CD2AP: variants seen among roughly 807,000 people sequenced by gnomAD.
CD2AP encodes the protein CD2 associated protein.
A neutral mutation model predicts 85.1 loss-of-function variants in CD2AP; 46 were observed. The ratio of observed to expected loss-of-function variants is 0.54; its 90% confidence interval spans 0.43 to 0.69. The LOEUF is 0.69. CD2AP is among the 30% of genes least tolerant of loss of function. The pLI is 0.00. For synonymous variants in CD2AP, 255 were observed against 252.9 expected, an observed-to-expected ratio of 1.01 and a Z score of -0.08; for missense variants, 769 against 729.5, an observed-to-expected ratio of 1.05 and a Z score of -0.62.
chr6:47,619,718 C>T (rs905036628), intron 17 of CD2AP, among the ~76,000 whole-genome samples: 1 of 152,170 alleles, frequency 6.6e-6, no homozygotes, highest in African/African-American at 2.4e-5. Context: ...TCACCTCATC[C>T]ATGCCAACAT....
intron 4 of CD2AP, among the ~76,000 whole-genome samples, chr6:47,553,681 A>G (rs1767593746): frequency 6.6e-6 from 1 of 152,036 alleles, no homozygotes. Flanking sequence ...AATTGTTTTT[A>G]ACCTGTGAGC....
rs144886557 is a variant in CD2AP at position 47,589,379 on chromosome 6, T to TATATACACACACACACACACACACACAC, written c.1109-6481_1109-6480insTATACACACACACACACACACACACACA. Among the ~76,000 whole-genome samples the TATATACACACACACACACACACACACAC allele has an allele frequency of 2.2e-4, 31 of 139,434 alleles. 1 individual carries two copies. The highest frequency in any genetic ancestry group is 1.5e-3 in the East Asian group (7 of 4,790). The allele number at this position is 139,434 out of a possible 152,430, so 91.5% of individuals were successfully genotyped here. On this transcript the variant is annotated intron_variant, in intron 11 of 17. Coordinates refer to ENST00000359314, the MANE Select transcript of CD2AP (RefSeq NM_012120.3). The stretch of plus-strand genomic sequence containing the variant: ...TTTGATGACCAGGAACTCTTGAATA[T>TATATACACACACACACACACACACACAC]ACACACACACACACAAATGTATATA...
intron 12 of CD2AP, among the ~76,000 whole-genome samples, chr6:47,596,553 A>G (rs1423453936): frequency 2.0e-5 from 3 of 152,038 alleles, no homozygotes; most frequent in Admixed American, 2.0e-4. Flanking sequence ...TTGACTTAAC[A>G]TCCTCCAGAT....
intron 1 of CD2AP, among the ~76,000 whole-genome samples, chr6:47,500,437 CATTTGTTAAA>C (rs1288295634): frequency 6.6e-6 from 1 of 152,132 alleles, no homozygotes; most frequent in Admixed American, 6.6e-5. Flanking sequence ...CCCTTTCAGA[CATTTGTTAAA>C]ATTTCTTGCC....
intron 2 of CD2AP, among the ~76,000 whole-genome samples, chr6:47,508,497 T>C (rs1417008776): frequency 6.6e-6 from 1 of 151,976 alleles, no homozygotes; most frequent in South Asian, 2.1e-4. Flanking sequence ...AAGTTGTGGC[T>C]GGTTTGATCT....
chr6:47,558,352 A>G (rs1014589241), intron 5 of CD2AP, among the ~76,000 whole-genome samples: 2 of 152,178 alleles, frequency 1.3e-5, no homozygotes, highest in Non-Finnish European at 2.9e-5. Context: ...AGAACTTCCA[A>G]TACCATGTTG....
At chr6:47,531,195 A>G (rs1041331222) in intron 2 of CD2AP, among the ~76,000 whole-genome samples, 4 of 152,106 alleles carry the variant, frequency 2.6e-5, no homozygotes, top group African/African-American at 9.7e-5. Flanking sequence ...AGATTCCGAA[A>G]CTTTCTTGGT....
intron 4 of CD2AP, among the ~76,000 whole-genome samples, chr6:47,551,194 GA>G (rs1008612649): frequency 5.3e-5 from 8 of 150,024 alleles, no homozygotes; most frequent in Non-Finnish European, 8.9e-5. Context: ...ATAAAAAAAA[GA>G]AAAAAAAATT....
chr6:47,579,929 C>T (rs1582584968), intron 9 of CD2AP: 1 of 165,938 alleles, frequency 6.0e-6, no homozygotes, highest in East Asian at 1.7e-4. Context: ...TGTGTCACTT[C>T]TCAGAGAAAA....
At position 47,595,874 on chromosome 6, in the gene CD2AP, A is replaced by C. The variant is rs974723230; in HGVS notation, c.1122A>C (p.Thr374=). ...LKPEEKDEKS[T]LEQKPSKPAA... is the part of the protein sequence containing the mutation. ...TTTAAATCTTAGATGAAAAATCAACACTGGAACAGAAACCTTCTAAACCAG... is the reference window on the plus strand; with the variant it reads ...TTTAAATCTTAGATGAAAAATCAACCCTGGAACAGAAACCTTCTAAACCAG... Residue 374 remains threonine, a synonymous_variant, in exon 12 of 18, where the codon ACA becomes ACC. Coordinates refer to ENST00000359314, the MANE Select transcript of CD2AP (RefSeq NM_012120.3). 1.2e-6 allele frequency: 2 copies of C among 1,612,196 alleles called. No homozygotes were observed. The highest frequency in any genetic ancestry group is 1.7e-6 in the Non-Finnish European group (2 of 1,178,720).
chr6:47,506,794 G>GGAGGGAGAGGGAGAGGGA (rs765919738), intron 2 of CD2AP, among the ~76,000 whole-genome samples: 7 of 80,166 alleles, frequency 8.7e-5, no homozygotes, highest in African/African-American at 2.4e-4. Flanking sequence ...AGAGGGAGAC[G>GGAGGGAGAGGGAGAGGGA]GAGGGAGAGG....
In CD2AP at chr6:47,490,919, A is replaced by G. The variant is rs140252241; in HGVS notation, c.5-12361A>G. The stretch of plus-strand genomic sequence containing the variant: ...GATTTACTTATCTCTGTTGAAAAAC[A>G]TGTAAGAAATGCTGCTTATCATTCC... On this transcript the variant is annotated intron_variant, in intron 1 of 17. Coordinates refer to ENST00000359314, the MANE Select transcript of CD2AP (RefSeq NM_012120.3). Among the ~76,000 whole-genome samples the G allele has an allele frequency of 1.6e-4, 25 of 152,314 alleles. No homozygotes were observed. In the East Asian group the frequency reaches 4.6e-3, roughly 28 times the overall value.
chr6:47,560,948 T>A (rs2114074053), intron 5 of CD2AP, among the ~76,000 whole-genome samples: 1 of 152,300 alleles, frequency 6.6e-6, no homozygotes, highest in African/African-American at 2.4e-5. Context: ...TACTTAATAT[T>A]TTACTCTAAA....
At chr6:47,507,030 A>G (rs1011597223) in intron 2 of CD2AP, among the ~76,000 whole-genome samples, 1 of 152,172 alleles carries the variant, frequency 6.6e-6, no homozygotes, top group Non-Finnish European at 1.5e-5. Context: ...AACTAAGTTT[A>G]TGTAATATTT....
intron 1 of CD2AP, among the ~76,000 whole-genome samples, chr6:47,497,168 C>T (rs916982578): frequency 2.0e-5 from 3 of 151,962 alleles, no homozygotes; most frequent in Non-Finnish European, 4.4e-5. Context: ...ACTGTGAAGC[C>T]AAGTAGTACA....
chr6:47,616,788 CTG>C (rs1769601594), intron 17 of CD2AP, among the ~76,000 whole-genome samples: 1 of 152,148 alleles, frequency 6.6e-6, no homozygotes, highest in South Asian at 2.1e-4. Flanking sequence ...TCAATTCAGT[CTG>C]TAACCCCTTG....
intron 5 of CD2AP, among the ~76,000 whole-genome samples, 153 bp from the exon 6 acceptor site, chr6:47,573,911 C>T (rs367887653): frequency 6.6e-6 from 1 of 152,174 alleles, no homozygotes; most frequent in Non-Finnish European, 1.5e-5. Flanking sequence ...GCATAAATTG[C>T]ATCTTGCTCT....
At chr6:47,605,281 G>A (rs936339615) in intron 13 of CD2AP, among the ~76,000 whole-genome samples, 7 of 151,962 alleles carry the variant, frequency 4.6e-5, no homozygotes, top group African/African-American at 1.7e-4. Flanking sequence ...AGTATCTGTA[G>A]CAGTTTACCT....
At chr6:47,491,597 A>G (rs1443907630) in intron 1 of CD2AP, among the ~76,000 whole-genome samples, 3 of 152,122 alleles carry the variant, frequency 2.0e-5, no homozygotes, top group Admixed American at 6.5e-5. Flanking sequence ...TCTGTAGTCA[A>G]TGCCCATACA....
Sources: allele counts gnomAD v4.1 joint callset (sites outside exome capture counted in the v4.1 genomes callset), GRCh38; gene constraint gnomAD v4.1.1; transcripts MANE v1.5; gene names NCBI Gene and HGNC (gene_info 2026-07-23, HGNC 2026-07-21).